Variants in COX5A observed in about 807,000 individuals in gnomAD.
The protein encoded by COX5A is cytochrome c oxidase subunit 5A, mitochondrial.
A neutral mutation model predicts 16.1 loss-of-function variants in COX5A; 6 were observed. That is an observed-to-expected ratio of 0.37 (90% confidence interval 0.20 to 0.73). The LOEUF (loss-of-function observed/expected upper bound fraction) is 0.73. COX5A is among the 30% of genes least tolerant of loss of function. COX5A has a pLI of 0.50. For missense variants in COX5A, 159 were observed against 194.9 expected, an observed-to-expected ratio of 0.82 and a Z score of 1.10; for synonymous variants, 73 against 73.8, an observed-to-expected ratio of 0.99 and a Z score of 0.06.
At position 74,936,314 on chromosome 15, in the gene COX5A, C is replaced by CA. The variant is rs146692196; in HGVS notation, c.100+1600dup. Among the ~76,000 whole-genome samples the CA allele has an allele frequency of 1.3e-4, 19 of 150,348 alleles. No individual in the cohort carries two copies. The East Asian group carries it at 2.0e-3, about 16-fold the overall frequency. On this transcript the variant is annotated intron_variant, in intron 1 of 4. Transcript: ENST00000322347. ...AACAAAACAAAAACAAACAAACAAA[C>CA]AAAAAAAAACAAGGAGTCAGTTTCC...
chr15:74,934,908 G>A (rs1319417433), intron 1 of COX5A, among the ~76,000 whole-genome samples: 1 of 151,950 alleles, frequency 6.6e-6, no homozygotes. Context: ...ACATTTTTAG[G>A]GCTTCATCCT....
intron 1 of COX5A, among the ~76,000 whole-genome samples, chr15:74,936,687 C>T (rs1183690545): frequency 7.7e-6 from 1 of 130,672 alleles, no homozygotes; most frequent in East Asian, 2.5e-4. Context: ...AGTGCAATGG[C>T]GCGATTTCGG....
Position 74,926,847 on chromosome 15 carries a change from G to A in COX5A, c.258C>T (p.Pro86=). 1 of 1,613,948 alleles carries A rather than the reference G, an allele frequency of 6.2e-7. No individual in the cohort carries two copies. The part of the protein sequence containing the change: ...TLVTYDMVPE[P]KIIDAALRAC... Reference sequence around the variant, plus strand: ...CCCGCAAAGCAGCATCAATGATTTTGGGCTCTGGAACCATATCATAGGTAA... The same window carrying A: ...CCCGCAAAGCAGCATCAATGATTTTAGGCTCTGGAACCATATCATAGGTAA... The change falls in exon 3 of 5, where the codon CCC becomes CCT. Residue 86 remains proline, a synonymous_variant. Transcript: ENST00000322347.
intron 1 of COX5A, among the ~76,000 whole-genome samples, chr15:74,932,426 G>A (rs1027296842): frequency 6.6e-6 from 1 of 151,992 alleles, no homozygotes; most frequent in African/African-American, 2.4e-5. Flanking sequence ...AGAATTACAG[G>A]TGTGAGCCAC....
In COX5A at chr15:74,938,035, G is replaced by A. The variant is rs2065400326; in HGVS notation, c.-21C>T. On this transcript the variant is annotated 5_prime_UTR_variant, in exon 1 of 5. Transcript: ENST00000322347. ...AGCATGACGGCGATGGCGGCGCGCG[G>A]GCTGAGGACAGAGAGAAGCCGGTGT... The A allele has an allele frequency of 1.6e-6, 2 of 1,226,758 alleles. No individual in the cohort carries two copies. Among genetic ancestry groups the A allele is most frequent in the East Asian group, 3.2e-5 (1 of 31,508 alleles). 76.0% of individuals were successfully genotyped at this position (1,226,758 alleles called of 1,614,324 possible). A position where few individuals can be genotyped will look rare whatever the true frequency, so the allele number is the denominator to read the frequency against.
intron 1 of COX5A, among the ~76,000 whole-genome samples, chr15:74,937,510 G>A (rs1019290077): frequency 2.0e-5 from 3 of 152,158 alleles, no homozygotes; most frequent in African/African-American, 4.8e-5. Context: ...TTGTGTCCTC[G>A]GACCCCAAGC....
intron 2 of COX5A, among the ~76,000 whole-genome samples, chr15:74,927,296 C>T (rs1373650801): frequency 6.6e-6 from 1 of 152,066 alleles, no homozygotes; most frequent in Admixed American, 6.6e-5. Context: ...CCTGCCTCAG[C>T]CTACCAAGTA....
intron 4 of COX5A, among the ~76,000 whole-genome samples, chr15:74,920,763 A>C (rs1464489538): frequency 1.3e-5 from 2 of 152,168 alleles, no homozygotes; most frequent in African/African-American, 4.8e-5. Context: ...GGATTGCCTG[A>C]GCATAGAAGT....
intron 1 of COX5A, among the ~76,000 whole-genome samples, chr15:74,934,170 G>A (rs937777764): frequency 1.3e-5 from 2 of 152,046 alleles, no homozygotes; most frequent in Non-Finnish European, 2.9e-5. Flanking sequence ...GATCCCTTGA[G>A]CCCAGGGCAA....
intron 4 of COX5A, among the ~76,000 whole-genome samples, chr15:74,921,845 A>G (rs374024680): frequency 1.6e-4 from 25 of 152,200 alleles, no homozygotes; most frequent in African/African-American, 6.0e-4. Context: ...CATATATTAT[A>G]AAGATGAGCT....
At chr15:74,920,492 A>G (rs1349512733) in intron 4 of COX5A, 50 bp from the exon 5 acceptor site, 1 of 675,846 alleles carries the variant, frequency 1.5e-6, no homozygotes, top group Non-Finnish European at 2.6e-6. Context: ...AAGAAAAAGT[A>G]GAAATCTTTT....
intron 4 of COX5A, among the ~76,000 whole-genome samples, chr15:74,921,602 C>T (rs1370894057): frequency 1.3e-5 from 2 of 151,020 alleles, no homozygotes; most frequent in Non-Finnish European, 3.0e-5. Flanking sequence ...TGGTGGTGGG[C>T]ACTTGTAATC....
At chr15:74,921,838 A>G (rs566871570) in intron 4 of COX5A, among the ~76,000 whole-genome samples, 1 of 152,300 alleles carries the variant, frequency 6.6e-6, no homozygotes, top group East Asian at 1.9e-4. Context: ...ACCATTGCAT[A>G]TATTATAAAG....
intron 1 of COX5A, among the ~76,000 whole-genome samples, chr15:74,937,184 C>T (rs1322506214): frequency 1.3e-5 from 2 of 152,124 alleles, no homozygotes. Context: ...GTCTCATACT[C>T]CAGCAATCAG....
rs142602011 is a variant in COX5A at position 74,930,582 on chromosome 15, A to C, written c.101-1350T>G. ...GAGTGTAGTGGCGCAATCACAGCTC[A>C]CTGCAGCCTCAAATTCTTTGGGCTC... On this transcript the variant is annotated intron_variant, in intron 1 of 4. Coordinates refer to ENST00000322347, the MANE Select transcript of COX5A (RefSeq NM_004255.4). Among the ~76,000 whole-genome samples, 267 of 150,808 alleles carry C rather than the reference A, an allele frequency of 1.8e-3. 1 individual carries two copies. Among genetic ancestry groups the C allele is most frequent in the African/African-American group, 6.2e-3 (256 of 41,226 alleles).
In COX5A at chr15:74,921,133, C is replaced by T. The variant is rs372585179; in HGVS notation, c.*10-691G>A. ...ATAGAATATGAACCACAGGGCTGGG[C>T]GCGGTGGCTCACGCCTGTAATCCCA... On this transcript the variant is annotated intron_variant, in intron 4 of 4. Coordinates refer to ENST00000322347, the MANE Select transcript of COX5A (RefSeq NM_004255.4). 5.9e-5 allele frequency among the ~76,000 whole-genome samples: 9 copies of T among 152,220 alleles called. No homozygotes were observed. In the East Asian group the frequency reaches 1.5e-3, roughly 26 times the overall value.
chr15:74,933,986 CA>C (rs1456238624), intron 1 of COX5A, among the ~76,000 whole-genome samples: 3 of 152,100 alleles, frequency 2.0e-5, no homozygotes, highest in Admixed American at 2.0e-4. Flanking sequence ...GGTTGTATTC[CA>C]AAAAGTCTTT....
chr15:74,935,536 G>C (rs1410548029), intron 1 of COX5A, among the ~76,000 whole-genome samples: 1 of 151,648 alleles, frequency 6.6e-6, no homozygotes, highest in Non-Finnish European at 1.5e-5. Flanking sequence ...AGGAGGTCAA[G>C]GCTGCAGTGA....
chr15:74,936,622 CTTTTTTTTTTTT>C (rs1021836626), intron 1 of COX5A, among the ~76,000 whole-genome samples: 2 of 112,440 alleles, frequency 1.8e-5, no homozygotes, highest in South Asian at 6.3e-4. Context: ...AAAACATATT[CTTTTTTTTTTTT>C]TTTTTTTTTT....
Sources: allele counts gnomAD v4.1 joint callset (sites outside exome capture counted in the v4.1 genomes callset), GRCh38; gene constraint gnomAD v4.1.1; transcripts MANE v1.5; gene names NCBI Gene and HGNC (gene_info 2026-07-23, HGNC 2026-07-21).